SGMS1: variants seen among roughly 807,000 people sequenced by gnomAD.
The protein encoded by SGMS1 is sphingomyelin synthase 1.
In SGMS1, 13 loss-of-function variants were observed where a neutral mutation model predicts 46.2. That is an observed-to-expected ratio of 0.28 (90% CI 0.18 to 0.45). SGMS1 has a LOEUF of 0.45. Among genes scored for constraint, SGMS1 ranks in the 20% least tolerant of loss-of-function variants. The probability of loss-of-function intolerance (pLI) is 1.00; values close to 1 mark genes in which losing one functional copy is unlikely to be tolerated. For missense variants in SGMS1, 324 were observed against 519.9 expected (o/e 0.62, Z 3.66); for synonymous variants, 203 against 187.8 (o/e 1.08, Z -0.66).
chr10:50,394,770 T>C (rs1019207557), intron 6 of SGMS1, among the ~76,000 whole-genome samples: 3 of 152,222 alleles, frequency 2.0e-5, no homozygotes, highest in Non-Finnish European at 4.4e-5. Context: ...CCTAATACTC[T>C]AAGTTGTTTT....
chr10:50,577,639 C>T (rs1023489835), intron 2 of SGMS1, among the ~76,000 whole-genome samples: 1 of 152,178 alleles, frequency 6.6e-6, no homozygotes, highest in Non-Finnish European at 1.5e-5. Flanking sequence ...GAGAAAGGAA[C>T]TTTCTATATT....
At chr10:50,505,491 A>G (rs867699961) in intron 3 of SGMS1, among the ~76,000 whole-genome samples, 1 of 152,320 alleles carries the variant, frequency 6.6e-6, no homozygotes, top group Non-Finnish European at 1.5e-5. Context: ...TCAAGTGAAC[A>G]GTACTTCTAC....
At chr10:50,437,506 T>G (rs1024857579) in intron 5 of SGMS1, among the ~76,000 whole-genome samples, 1 of 152,150 alleles carries the variant, frequency 6.6e-6, no homozygotes, top group Non-Finnish European at 1.5e-5. Flanking sequence ...TCTTAACCAC[T>G]ATACTACACT....
chr10:50,508,122 G>C (rs1837723244), intron 3 of SGMS1, among the ~76,000 whole-genome samples: 1 of 152,196 alleles, frequency 6.6e-6, no homozygotes, highest in Non-Finnish European at 1.5e-5. Flanking sequence ...TGACAACAAT[G>C]CTCTATTTAA....
At chr10:50,587,728 C>G (rs1352907022) in intron 2 of SGMS1, among the ~76,000 whole-genome samples, 1 of 148,590 alleles carries the variant, frequency 6.7e-6, no homozygotes, top group Non-Finnish European at 1.5e-5. Context: ...TAGGCTATTA[C>G]TAGTTACATT....
chr10:50,339,328 T>C (rs899367799), intron 7 of SGMS1, among the ~76,000 whole-genome samples: 5 of 152,212 alleles, frequency 3.3e-5, no homozygotes, highest in Admixed American at 2.0e-4. Context: ...CTCTGCACTT[T>C]CTGTGTCTCC....
Position 50,519,051 on chromosome 10 carries a change from C to T in SGMS1, c.-498+780G>A, listed in dbSNP as rs186077639. 5.1e-4 allele frequency among the ~76,000 whole-genome samples: 77 copies of T among 152,080 alleles called. No individual in the cohort carries two copies. The East Asian group carries it at 5.4e-3, about 11-fold the overall frequency. ...TTAACCAGAAAAATTAATTTACTAC[C>T]GTTACATGCAACAAGTAAATCTTAC... On this transcript the variant is annotated intron_variant, in intron 3 of 10. Coordinates refer to ENST00000361781, the MANE Select transcript of SGMS1 (RefSeq NM_147156.4).
intron 3 of SGMS1, among the ~76,000 whole-genome samples, chr10:50,497,524 G>A (rs1280846234): frequency 6.6e-6 from 1 of 152,230 alleles, no homozygotes; most frequent in African/African-American, 2.4e-5. Flanking sequence ...CGGGCGCGGT[G>A]GCTCACGCCT....
chr10:50,347,585 G>C (rs1003927625), intron 6 of SGMS1, among the ~76,000 whole-genome samples: 31 of 152,178 alleles, frequency 2.0e-4, no homozygotes, highest in Admixed American at 6.5e-5. Flanking sequence ...GCAGAGTTAG[G>C]AAAACAGCCA....
intron 1 of SGMS1, among the ~76,000 whole-genome samples, chr10:50,615,872 C>T (rs960627032): frequency 6.6e-6 from 1 of 152,202 alleles, no homozygotes; most frequent in Non-Finnish European, 1.5e-5. Context: ...TATATACCAT[C>T]TGTCACATAG....
intron 5 of SGMS1, among the ~76,000 whole-genome samples, chr10:50,445,225 G>C (rs1439804128): frequency 1.3e-5 from 2 of 152,108 alleles, no homozygotes; most frequent in Non-Finnish European, 2.9e-5. Context: ...CAAAGACTTG[G>C]AGTACATTAG....
chr10:50,513,785 C>G (rs1837777397), intron 3 of SGMS1, among the ~76,000 whole-genome samples: 1 of 152,152 alleles, frequency 6.6e-6, no homozygotes, highest in African/African-American at 2.4e-5. Flanking sequence ...ATATAAGGTA[C>G]TTTAGCACAA....
At chr10:50,312,248 A>T (rs1847267032) in intron 8 of SGMS1, among the ~76,000 whole-genome samples, 1 of 152,048 alleles carries the variant, frequency 6.6e-6, no homozygotes, top group South Asian at 2.1e-4. Context: ...AGCTTTGGGC[A>T]ACATGTTTTA....
upstream of SGMS1, chr10:50,624,938 G>C (rs1838907751): frequency 9.8e-7 from 1 of 1,017,266 alleles, no homozygotes; most frequent in Non-Finnish European, 1.2e-6. Context: ...TGTCCGCGGC[G>C]CTCCGGGCAG....
chr10:50,333,894 C>G (rs1300502510), intron 7 of SGMS1, among the ~76,000 whole-genome samples: 1 of 152,160 alleles, frequency 6.6e-6, no homozygotes, highest in African/African-American at 2.4e-5. Flanking sequence ...CCAACTCAAA[C>G]AAAATTCACA....
intron 6 of SGMS1, among the ~76,000 whole-genome samples, chr10:50,377,001 G>T (rs1209226668): frequency 6.6e-6 from 1 of 152,188 alleles, no homozygotes; most frequent in African/African-American, 2.4e-5. Context: ...ATCAGTTTAA[G>T]AACTTCTTGC....
chr10:50,622,195 T>C (rs536533804), intron 1 of SGMS1, among the ~76,000 whole-genome samples: 192 of 152,300 alleles, frequency 1.3e-3, no homozygotes, highest in Non-Finnish European at 2.3e-3. Flanking sequence ...CTTGGAGCAC[T>C]GACCAGACAG....
chr10:50,358,942 C>T (rs1306700174), intron 6 of SGMS1, among the ~76,000 whole-genome samples: 1 of 152,234 alleles, frequency 6.6e-6, no homozygotes, highest in Non-Finnish European at 1.5e-5. Context: ...AGGACCTACA[C>T]ATTTATTTCA....
chr10:50,498,502 C>G (rs1165067064), intron 3 of SGMS1, among the ~76,000 whole-genome samples: 1 of 152,172 alleles, frequency 6.6e-6, no homozygotes, highest in Non-Finnish European at 1.5e-5. Context: ...TGGAAACCAC[C>G]ATTCTACTTT....
Sources: gnomAD v4.1 joint callset for allele counts (sites outside exome capture counted in the v4.1 genomes callset) on GRCh38, gnomAD v4.1.1 for gene constraint, MANE v1.5 for transcripts, NCBI Gene and HGNC (gene_info 2026-07-23, HGNC 2026-07-21) for gene names.